Variants in MALRD1 observed in about 807,000 individuals in gnomAD.
MALRD1 encodes MAM and LDL-receptor class A domain-containing protein 1.
Under a neutral mutation model 242.1 loss-of-function variants are expected in MALRD1, and 247 were observed. That is an observed-to-expected ratio of 1.02 (90% confidence interval 0.92 to 1.13). MALRD1 has a LOEUF of 1.13. Ranked by LOEUF, MALRD1 falls within the 50% of genes most tolerant of loss-of-function variation. The pLI is 0.00. For missense variants in MALRD1, 2,989 were observed against 2,533.1 expected, an observed-to-expected ratio of 1.18 and a Z score of -3.86; for synonymous variants, 995 against 866.6, an observed-to-expected ratio of 1.15 and a Z score of -2.60.
chr10:19,372,757 A>G (rs572776732), intron 26 of MALRD1, among the ~76,000 whole-genome samples: 26 of 152,166 alleles, frequency 1.7e-4, no homozygotes, highest in Non-Finnish European at 3.4e-4. Context: ...TGTGAGCCAC[A>G]GTGCCCAGCC....
intron 12 of MALRD1, among the ~76,000 whole-genome samples, chr10:19,159,095 A>C (rs575184199): frequency 6.6e-6 from 1 of 152,280 alleles, no homozygotes; most frequent in Non-Finnish European, 1.5e-5. Flanking sequence ...AATCATTTAA[A>C]CCGGAAAAAC....
intron 28 of MALRD1, among the ~76,000 whole-genome samples, chr10:19,397,921 T>A (rs946579702): frequency 2.0e-5 from 3 of 152,104 alleles, no homozygotes; most frequent in Non-Finnish European, 4.4e-5. Flanking sequence ...CGAGCATTTT[T>A]TTTTTTCATA....
At chr10:19,227,827 T>C (rs1256775309) in intron 18 of MALRD1, among the ~76,000 whole-genome samples, 5 of 152,166 alleles carry the variant, frequency 3.3e-5, no homozygotes, top group Non-Finnish European at 5.9e-5. Context: ...GATGTTTTAA[T>C]TTAAAAAGAG....
chr10:19,511,887 G>C (rs183898146), intron 31 of MALRD1, among the ~76,000 whole-genome samples: 2 of 151,776 alleles, frequency 1.3e-5, no homozygotes, highest in African/African-American at 2.4e-5. Flanking sequence ...TGAGAGAGGG[G>C]AGAAGTTTTG....
intron 36 of MALRD1, 133 bp downstream of exon 36, chr10:19,616,056 T>C: frequency 1.7e-6 from 1 of 593,848 alleles, no homozygotes. Flanking sequence ...ATGGTACTAT[T>C]TACATTTATC....
intron 32 of MALRD1, among the ~76,000 whole-genome samples, chr10:19,535,126 C>G (rs148397365): frequency 6.6e-6 from 1 of 152,094 alleles, no homozygotes; most frequent in Non-Finnish European, 1.5e-5. Flanking sequence ...CCTAGTGATT[C>G]GCCCACCTAG....
chr10:19,617,424 A>G (rs547596023), intron 36 of MALRD1, among the ~76,000 whole-genome samples: 1 of 152,214 alleles, frequency 6.6e-6, no homozygotes, highest in Non-Finnish European at 1.5e-5. Flanking sequence ...TGAAATAACT[A>G]TAATGAACAT....
intron 38 of MALRD1, among the ~76,000 whole-genome samples, chr10:19,726,724 A>G (rs1835043585): frequency 6.6e-6 from 1 of 152,252 alleles, no homozygotes; most frequent in Admixed American, 6.5e-5. Context: ...GAATGAATAA[A>G]CAAAATGTGA....
chr10:19,300,380 C>A (rs979033093), intron 21 of MALRD1, among the ~76,000 whole-genome samples: 4 of 151,704 alleles, frequency 2.6e-5, no homozygotes, highest in African/African-American at 7.3e-5. Flanking sequence ...AATTAATATG[C>A]AATCAAAAAA....
intron 36 of MALRD1, among the ~76,000 whole-genome samples, chr10:19,689,320 G>A (rs902653028): frequency 6.6e-6 from 1 of 152,200 alleles, no homozygotes; most frequent in Admixed American, 6.5e-5. Flanking sequence ...TACCTCGGGA[G>A]GATAGAATTG....
intron 28 of MALRD1, among the ~76,000 whole-genome samples, chr10:19,428,823 A>T (rs1173832877): frequency 6.6e-6 from 1 of 152,212 alleles, no homozygotes; most frequent in African/African-American, 2.4e-5. Flanking sequence ...ACTCTTTTAG[A>T]TTTGCATAAA....
At chr10:19,258,468 G>A (rs1358144182) in intron 19 of MALRD1, among the ~76,000 whole-genome samples, 3 of 152,106 alleles carry the variant, frequency 2.0e-5, no homozygotes, top group Admixed American at 2.0e-4. Flanking sequence ...TAAAGTGCAC[G>A]ACAAGAGGGA....
intron 14 of MALRD1, among the ~76,000 whole-genome samples, chr10:19,175,784 T>C (rs1006353750): frequency 1.1e-4 from 16 of 152,200 alleles, no homozygotes; most frequent in African/African-American, 3.9e-4. Context: ...AATTTAAAAC[T>C]GGACCTTAAA....
chr10:19,703,194 G>A (rs1454020955), intron 38 of MALRD1, among the ~76,000 whole-genome samples: 1 of 152,086 alleles, frequency 6.6e-6, no homozygotes, highest in East Asian at 1.9e-4. Context: ...GAATGAGTGG[G>A]GCCTCAGAAA....
chr10:19,333,014 C>T (rs911790026), intron 24 of MALRD1, among the ~76,000 whole-genome samples: 1 of 152,054 alleles, frequency 6.6e-6, no homozygotes, highest in Non-Finnish European at 1.5e-5. Context: ...CCTCCCCTAG[C>T]CCCCTACCCT....
At chr10:19,389,904 C>A (rs1430866605) in intron 28 of MALRD1, among the ~76,000 whole-genome samples, 2 of 152,138 alleles carry the variant, frequency 1.3e-5, no homozygotes, top group Admixed American at 1.3e-4. Context: ...TCAAGCAATC[C>A]TCCCACTTCA....
chr10:19,218,439 C>T (rs1248236826), intron 18 of MALRD1, among the ~76,000 whole-genome samples: 2 of 152,028 alleles, frequency 1.3e-5, no homozygotes, highest in Non-Finnish European at 1.5e-5. Context: ...ATATTTAGTT[C>T]TCTGTGCTTC....
intron 14 of MALRD1, among the ~76,000 whole-genome samples, chr10:19,203,252 C>T (rs1255786102): frequency 6.6e-6 from 1 of 152,122 alleles, no homozygotes. Flanking sequence ...ATATTAAGCT[C>T]TATGAAAATC....
chr10:19,356,915 C>T (rs1469411977), intron 26 of MALRD1, among the ~76,000 whole-genome samples: 1 of 152,030 alleles, frequency 6.6e-6, no homozygotes, highest in Non-Finnish European at 1.5e-5. Context: ...TCAAGACCAG[C>T]CTGACCAACA....
Sources: gnomAD v4.1 joint callset for allele counts (sites outside exome capture counted in the v4.1 genomes callset) on GRCh38, gnomAD v4.1.1 for gene constraint, MANE v1.5 for transcripts, NCBI Gene and HGNC (gene_info 2026-07-23, HGNC 2026-07-21) for gene names.